The following HS3ST4 variants were observed in gnomAD, a reference collection of about 807,000 sequenced individuals.
HS3ST4 encodes heparan sulfate-glucosamine 3-sulfotransferase 4.
A neutral mutation model predicts 29.2 loss-of-function variants in HS3ST4; 17 were observed. The observed-to-expected ratio is 0.58, with a 90% CI of 0.40 to 0.87. The LOEUF (loss-of-function observed/expected upper bound fraction) is 0.87, where lower values mean the gene tolerates loss of function less well. Ranked by LOEUF, HS3ST4 falls within the 40% of genes least tolerant of loss-of-function variation. HS3ST4 has a pLI of 0.00. For missense variants in HS3ST4, 627 were observed against 634.5 expected (o/e 0.99, Z 0.13); for synonymous variants, 314 against 285.7 (o/e 1.10, Z -1.00).
chr16:25,914,648 C>T lies in HS3ST4; in HGVS notation c.735-220964C>T, dbSNP rs146616454. Reference sequence around the variant, plus strand: ...TGTGTGGTGTGTGTGTGTGTGTGCACGTGTGTGGGTGTGTGGACTTTGTGT... The same window carrying T: ...TGTGTGGTGTGTGTGTGTGTGTGCATGTGTGTGGGTGTGTGGACTTTGTGT... On this transcript the variant is annotated intron_variant, in intron 1 of 1. Transcript: ENST00000331351. 2.0e-3 allele frequency among the ~76,000 whole-genome samples: 298 copies of T among 149,408 alleles called. 2 individuals carry two copies. Among genetic ancestry groups the T allele is most frequent in the African/African-American group, 6.1e-3 (247 of 40,544 alleles).
intron 1 of HS3ST4, among the ~76,000 whole-genome samples, chr16:26,064,308 A>C (rs543844807): frequency 6.6e-6 from 1 of 152,292 alleles, no homozygotes; most frequent in South Asian, 2.1e-4. Context: ...CCTATCCAAA[A>C]AAAAAGTTTC....
chr16:26,011,698 G>C (rs1325788516), intron 1 of HS3ST4, among the ~76,000 whole-genome samples: 1 of 96,146 alleles, frequency 1.0e-5, no homozygotes, highest in East Asian at 3.4e-4. Flanking sequence ...GTGTGTGTGT[G>C]TGTGTGAGAG....
intron 1 of HS3ST4, among the ~76,000 whole-genome samples, chr16:25,803,064 T>C (rs1310048391): frequency 6.6e-6 from 1 of 151,824 alleles, no homozygotes; most frequent in East Asian, 1.9e-4. Context: ...GTTTTATGTA[T>C]ATGTATTTCT....
At chr16:25,881,596 G>A (rs1348347171) in intron 1 of HS3ST4, among the ~76,000 whole-genome samples, 9 of 152,210 alleles carry the variant, frequency 5.9e-5, no homozygotes, top group Non-Finnish European at 1.3e-4. Context: ...GCTTCTTGGT[G>A]TTTGGCATGC....
chr16:25,917,404 G>C (rs528767970), intron 1 of HS3ST4, among the ~76,000 whole-genome samples: 1 of 152,172 alleles, frequency 6.6e-6, no homozygotes, highest in South Asian at 2.1e-4. Context: ...GTAGAGATGG[G>C]GTTTCACAAC....
chr16:25,773,095 A>T (rs1406709607), intron 1 of HS3ST4, among the ~76,000 whole-genome samples: 2 of 152,238 alleles, frequency 1.3e-5, no homozygotes, highest in East Asian at 3.8e-4. Flanking sequence ...ACTTATATAC[A>T]TTCCTCAAGG....
intron 1 of HS3ST4, among the ~76,000 whole-genome samples, chr16:26,088,724 T>G (rs1421348743): frequency 6.6e-6 from 1 of 152,198 alleles, no homozygotes; most frequent in Non-Finnish European, 1.5e-5. Context: ...GCTTCAACTC[T>G]TATGTTAAGA....
At chr16:25,961,038 C>T (rs1043206869) in intron 1 of HS3ST4, among the ~76,000 whole-genome samples, 2 of 152,186 alleles carry the variant, frequency 1.3e-5, no homozygotes, top group Non-Finnish European at 2.9e-5. Flanking sequence ...ATACTTATTT[C>T]GTTACATAGA....
chr16:25,861,532 G>C (rs890219732), intron 1 of HS3ST4, among the ~76,000 whole-genome samples: 3 of 152,026 alleles, frequency 2.0e-5, no homozygotes, highest in Admixed American at 1.3e-4. Flanking sequence ...CTTTTTTGTT[G>C]TTGTTGTAAA....
intron 1 of HS3ST4, among the ~76,000 whole-genome samples, chr16:25,941,424 G>T (rs927548905): frequency 2.7e-5 from 4 of 150,186 alleles, no homozygotes; most frequent in Non-Finnish European, 5.9e-5. Context: ...CACCCGAAGT[G>T]CTAGGATTAC....
intron 1 of HS3ST4, among the ~76,000 whole-genome samples, chr16:25,954,921 G>A (rs546701174): frequency 1.6e-4 from 25 of 152,342 alleles, no homozygotes; most frequent in Admixed American, 1.4e-3. Context: ...GGATGAGAGA[G>A]ACCAATGAAT....
intron 1 of HS3ST4, among the ~76,000 whole-genome samples, chr16:26,049,470 C>CTGTGTGTG (rs113562359): frequency 0.05 from 7,290 of 145,044 alleles, 529 homozygotes; most frequent in East Asian, 0.25. Context: ...ATGCGTGCCT[C>CTGTGTGTG]TGTGTGTGTG....
chr16:25,857,894 T>C (rs5010892), intron 1 of HS3ST4, among the ~76,000 whole-genome samples: 12,388 of 59,572 alleles, frequency 0.21, 711 homozygotes, highest in East Asian at 0.29. Flanking sequence ...TTCTTTCTTT[T>C]TCTTTCTTCC....
At chr16:25,944,160 G>A (rs765558382) in intron 1 of HS3ST4, among the ~76,000 whole-genome samples, 1 of 152,120 alleles carries the variant, frequency 6.6e-6, no homozygotes, top group Admixed American at 6.5e-5. Context: ...AGTTCAGCCA[G>A]GTCTGAGTTC....
intron 1 of HS3ST4, among the ~76,000 whole-genome samples, chr16:26,130,175 G>A (rs935447359): frequency 6.6e-6 from 1 of 152,138 alleles, no homozygotes; most frequent in Admixed American, 6.5e-5. Context: ...AATGATTCTC[G>A]CTTCAGGACT....
At chr16:25,715,000 C>A (rs1310651682) in intron 1 of HS3ST4, among the ~76,000 whole-genome samples, 1 of 152,174 alleles carries the variant, frequency 6.6e-6, no homozygotes, top group Non-Finnish European at 1.5e-5. Flanking sequence ...CATGTATTCC[C>A]CCATGTACTG....
intron 1 of HS3ST4, among the ~76,000 whole-genome samples, chr16:25,936,133 G>C (rs1418231783): frequency 6.6e-6 from 1 of 152,174 alleles, no homozygotes; most frequent in Non-Finnish European, 1.5e-5. Context: ...TGATGGTCCT[G>C]TTGACAAGAA....
At chr16:25,735,793 T>C (rs1222281240) in intron 1 of HS3ST4, among the ~76,000 whole-genome samples, 1 of 152,182 alleles carries the variant, frequency 6.6e-6, no homozygotes, top group African/African-American at 2.4e-5. Context: ...CTGGCCCAGA[T>C]TCAGTTACAT....
intron 1 of HS3ST4, among the ~76,000 whole-genome samples, chr16:25,956,997 CAAAAAAAAAA>C (rs11382105): frequency 1.3e-5 from 1 of 77,834 alleles, no homozygotes; most frequent in Non-Finnish European, 2.3e-5. Flanking sequence ...GACTCCGTCT[CAAAAAAAAAA>C]AAAAAAAAAA....
Sources: gnomAD v4.1 joint callset for allele counts (sites outside exome capture counted in the v4.1 genomes callset) on GRCh38, gnomAD v4.1.1 for gene constraint, MANE v1.5 for transcripts, NCBI Gene and HGNC (gene_info 2026-07-23, HGNC 2026-07-21) for gene names.